The following GRIK4 variants were observed in gnomAD, a reference collection of about 807,000 sequenced individuals.
GRIK4 encodes glutamate receptor ionotropic, kainate 4.
GRIK4 carries 40 observed loss-of-function variants against 104.9 expected under a neutral mutation model. That is an observed-to-expected ratio of 0.38 (90% CI 0.30 to 0.50). GRIK4 has a LOEUF of 0.50. Among genes scored for constraint, GRIK4 ranks in the 20% least tolerant of loss-of-function variants. The pLI is 0.93. For missense variants in GRIK4, 1,047 were observed against 1,308.1 expected (o/e 0.80, Z 3.08); for synonymous variants, 485 against 524.9 (o/e 0.92, Z 1.04).
chr11:120,796,256 C>T (rs919900686), intron 3 of GRIK4, among the ~76,000 whole-genome samples: 9 of 152,174 alleles, frequency 5.9e-5, no homozygotes, highest in African/African-American at 9.6e-5. Flanking sequence ...AAGATGGTCT[C>T]GCTCTCCTGA....
intron 3 of GRIK4, among the ~76,000 whole-genome samples, chr11:120,790,757 C>T (rs916719737): frequency 3.3e-5 from 5 of 151,932 alleles, no homozygotes; most frequent in Non-Finnish European, 5.9e-5. Context: ...CAAGGAGTGG[C>T]GGCAGTGGGA....
At chr11:120,614,334 G>A (rs537603345) in intron 1 of GRIK4, among the ~76,000 whole-genome samples, 1 of 152,292 alleles carries the variant, frequency 6.6e-6, no homozygotes, top group South Asian at 2.1e-4. Context: ...ATAAAACTGT[G>A]GCCACCCGGG....
intron 12 of GRIK4, among the ~76,000 whole-genome samples, chr11:120,900,656 C>T (rs971972060): frequency 4.6e-5 from 7 of 152,032 alleles, no homozygotes; most frequent in Non-Finnish European, 4.4e-5. Flanking sequence ...GTCAGGGTGG[C>T]CTCTCCGAGA....
At chr11:120,880,752 GCCT>G (rs1307444091) in intron 11 of GRIK4, among the ~76,000 whole-genome samples, 3 of 152,150 alleles carry the variant, frequency 2.0e-5, no homozygotes, top group African/African-American at 7.2e-5. Flanking sequence ...GTCAAAATCT[GCCT>G]CCTAATTCTG....
At chr11:120,830,203 AG>A (rs1250505523) in intron 6 of GRIK4, among the ~76,000 whole-genome samples, 1 of 150,438 alleles carries the variant, frequency 6.6e-6, no homozygotes, top group African/African-American at 2.5e-5. Context: ...AAAAAAAAAA[AG>A]CACAGACACA....
intron 11 of GRIK4, among the ~76,000 whole-genome samples, chr11:120,886,274 TCA>T (rs1233403767): frequency 6.6e-6 from 1 of 152,234 alleles, no homozygotes; most frequent in East Asian, 1.9e-4. Context: ...AGTGTCCTTC[TCA>T]CAGTCCACTT....
At chr11:120,702,311 G>A (rs1006139267) in intron 3 of GRIK4, among the ~76,000 whole-genome samples, 2 of 152,138 alleles carry the variant, frequency 1.3e-5, no homozygotes, top group African/African-American at 2.4e-5. Flanking sequence ...GCTGCAGTAG[G>A]GAAGGAGGTT....
Position 120,862,125 on chromosome 11 carries a change from G to A in GRIK4, c.906+5G>A, listed in dbSNP as rs763608764. 1.2e-6 allele frequency: 2 copies of A among 1,612,594 alleles called. No individual in the cohort carries two copies. Among genetic ancestry groups the A allele is most frequent in the Non-Finnish European group, 1.7e-6 (2 of 1,179,374 alleles). On this transcript the variant is annotated splice_donor_5th_base_variant and intron_variant, in intron 9 of 20. Coordinates refer to ENST00000527524, the MANE Select transcript of GRIK4 (RefSeq NM_014619.5). The stretch of plus-strand genomic sequence containing the variant: ...GTGCCCTTCACTGGGCCTGCGGTAA[G>A]TACCCGCCAGAGCTCTTCCTGGTGC...
chr11:120,946,153 T>C (rs1943854541), intron 14 of GRIK4, among the ~76,000 whole-genome samples: 1 of 152,254 alleles, frequency 6.6e-6, no homozygotes, highest in Non-Finnish European at 1.5e-5. Flanking sequence ...CCATTTCTAT[T>C]TGACGTTAGA....
chr11:120,517,169 G>T (rs924955385), intron 1 of GRIK4, among the ~76,000 whole-genome samples: 1 of 149,262 alleles, frequency 6.7e-6, no homozygotes, highest in Non-Finnish European at 1.5e-5. Context: ...GCAGGGCCTT[G>T]TCCGCTTTGT....
intron 3 of GRIK4, among the ~76,000 whole-genome samples, chr11:120,773,214 A>C (rs937972862): frequency 3.3e-5 from 5 of 152,208 alleles, no homozygotes; most frequent in Non-Finnish European, 7.3e-5. Context: ...GTGTCTAGTC[A>C]GCCTGTGGTC....
intron 1 of GRIK4, among the ~76,000 whole-genome samples, chr11:120,603,747 G>A (rs530797378): frequency 5.1e-4 from 77 of 152,282 alleles, no homozygotes; most frequent in Admixed American, 1.5e-3. Context: ...CATTTGGGGG[G>A]AAGGTTTGGC....
At chr11:120,617,339 G>T (rs975578612) in intron 1 of GRIK4, among the ~76,000 whole-genome samples, 1 of 152,112 alleles carries the variant, frequency 6.6e-6, no homozygotes, top group South Asian at 2.1e-4. Context: ...GTTCATGACT[G>T]GGAAAAGCTT....
At chr11:120,835,401 G>C (rs1209218470) in intron 7 of GRIK4, among the ~76,000 whole-genome samples, 2 of 152,176 alleles carry the variant, frequency 1.3e-5, no homozygotes, top group Non-Finnish European at 2.9e-5. Context: ...GGTCGTGGGT[G>C]CCTGTAATTT....
At chr11:120,966,164 G>C (rs1565467512) in intron 18 of GRIK4, among the ~76,000 whole-genome samples, 1 of 152,134 alleles carries the variant, frequency 6.6e-6, no homozygotes, top group Non-Finnish European at 1.5e-5. Context: ...ACCTTCTTTT[G>C]AGGAGGGAAG....
rs539229507 is a variant in GRIK4, at chr11:120,603,304, C to T, written c.-158-50381C>T. On this transcript the variant is annotated intron_variant, in intron 1 of 20. Transcript: ENST00000527524. ...ACTTACTTTATTGGCTTGGTCGGCT[C>T]GAGAGTGTGAATCTGCACATCTCTC... Among the ~76,000 whole-genome samples, 47 of 152,298 alleles carry T rather than the reference C, an allele frequency of 3.1e-4. 2 individuals carry two copies. In the South Asian group the frequency reaches 9.3e-3, roughly 30 times the overall value.
intron 1 of GRIK4, among the ~76,000 whole-genome samples, chr11:120,627,102 G>A (rs1433747586): frequency 6.6e-6 from 1 of 152,194 alleles, no homozygotes; most frequent in East Asian, 1.9e-4. Context: ...GTCTGGGGTT[G>A]CACAGCTCAG....
intron 13 of GRIK4, among the ~76,000 whole-genome samples, chr11:120,907,802 T>C (rs1942902263): frequency 6.6e-6 from 1 of 152,064 alleles, no homozygotes; most frequent in African/African-American, 2.4e-5. Flanking sequence ...TTGGGATGTG[T>C]GCGCTGGCTT....
chr11:120,754,949 A>G (rs1168590173), intron 3 of GRIK4, among the ~76,000 whole-genome samples: 1 of 152,074 alleles, frequency 6.6e-6, no homozygotes, highest in Non-Finnish European at 1.5e-5. Flanking sequence ...ATGATTTGCA[A>G]ATATTTTCTG....
Sources: allele counts gnomAD v4.1 joint callset (sites outside exome capture counted in the v4.1 genomes callset), GRCh38; gene constraint gnomAD v4.1.1; transcripts MANE v1.5; gene names NCBI Gene and HGNC (gene_info 2026-07-23, HGNC 2026-07-21).